WDR70: variants seen among roughly 807,000 people sequenced by gnomAD.
The protein encoded by WDR70 is WD repeat-containing protein 70.
In WDR70, 53 loss-of-function variants were observed where a neutral mutation model predicts 88.6. That is an observed-to-expected ratio of 0.60 (90% CI 0.48 to 0.75). The LOEUF is 0.75. Ranked by LOEUF, WDR70 falls within the 30% of genes least tolerant of loss-of-function variation. WDR70 has a pLI of 0.00. For synonymous variants in WDR70, 280 were observed against 270.0 expected (o/e 1.04, Z -0.36); for missense variants, 610 against 823.2 (o/e 0.74, Z 3.17).
chr5:37,384,029 ACAT>A (rs1362691948), intron 3 of WDR70, among the ~76,000 whole-genome samples: 1 of 152,174 alleles, frequency 6.6e-6, no homozygotes, highest in Admixed American at 6.5e-5. Flanking sequence ...CAAATCTTGG[ACAT>A]CATTTTACTC....
At chr5:37,415,983 T>TAGATG (rs1749731188) in intron 5 of WDR70, among the ~76,000 whole-genome samples, 2 of 147,702 alleles carry the variant, frequency 1.4e-5, no homozygotes, top group Non-Finnish European at 3.0e-5. Context: ...TCTCACTTCC[T>TAGATG]GGATGGGATG....
At chr5:37,669,897 G>A (rs9283746) in intron 10 of WDR70, among the ~76,000 whole-genome samples, 1 of 152,226 alleles carries the variant, frequency 6.6e-6, no homozygotes, top group South Asian at 2.1e-4. Flanking sequence ...AAAACATTAC[G>A]CTAAATGAAA....
chr5:37,656,380 G>A (rs1215838526), intron 10 of WDR70, among the ~76,000 whole-genome samples: 3 of 152,166 alleles, frequency 2.0e-5, no homozygotes, highest in Non-Finnish European at 4.4e-5. Flanking sequence ...GGTGTCTGTC[G>A]ACCCCTCCTG....
At chr5:37,611,369 T>C (rs187645718) in intron 10 of WDR70, among the ~76,000 whole-genome samples, 1 of 152,240 alleles carries the variant, frequency 6.6e-6, no homozygotes, top group East Asian at 1.9e-4. Context: ...GAAAGCAGTA[T>C]TTACTTTTAT....
At chr5:37,428,957 T>G (rs1450667117) in intron 5 of WDR70, among the ~76,000 whole-genome samples, 1 of 152,232 alleles carries the variant, frequency 6.6e-6, no homozygotes, top group Non-Finnish European at 1.5e-5. Context: ...AAGTGTGTAG[T>G]GCTGTTTAAT....
intron 10 of WDR70, among the ~76,000 whole-genome samples, chr5:37,694,300 A>C (rs1746911679): frequency 6.6e-6 from 1 of 152,220 alleles, no homozygotes; most frequent in African/African-American, 2.4e-5. Context: ...CGATTCCTCA[A>C]GGGCCTAGAA....
chr5:37,538,123 CTT>C lies in WDR70; in HGVS notation c.917+21535_917+21536del, dbSNP rs1346847823. On this transcript the variant is annotated intron_variant, in intron 9 of 17. Transcript: ENST00000265107. ...ATAAACTCCTCACTCCCTTGGAAGA[CTT>C]TATTGAGGGCTATTTAGGTTTTAAA... Among the ~76,000 whole-genome samples the C allele has an allele frequency of 5.3e-5, 8 of 152,234 alleles. No homozygotes were observed. The South Asian group carries it at 1.5e-3, about 28-fold the overall frequency.
At chr5:37,675,763 C>A (rs942127626) in intron 10 of WDR70, among the ~76,000 whole-genome samples, 1 of 152,088 alleles carries the variant, frequency 6.6e-6, no homozygotes, top group African/African-American at 2.4e-5. Context: ...TTTTCCAATT[C>A]TGTGAAGAAA....
chr5:37,657,306 C>T (rs958096583), intron 10 of WDR70, among the ~76,000 whole-genome samples: 3 of 152,122 alleles, frequency 2.0e-5, no homozygotes, highest in Non-Finnish European at 4.4e-5. Flanking sequence ...CCTGCTCGCC[C>T]TCGTGGGCTG....
intron 8 of WDR70, chr5:37,506,331 C>A: frequency 1.1e-6 from 1 of 904,736 alleles, no homozygotes; most frequent in East Asian, 2.4e-5. Flanking sequence ...TGAGTCAATA[C>A]CAAAAAATCT....
At chr5:37,585,073 C>A (rs1470177879) in intron 9 of WDR70, among the ~76,000 whole-genome samples, 1 of 149,986 alleles carries the variant, frequency 6.7e-6, no homozygotes, top group African/African-American at 2.5e-5. Context: ...TCACTGCAAC[C>A]TCTGCCTCCC....
chr5:37,599,378 T>C (rs1460146875), intron 9 of WDR70, among the ~76,000 whole-genome samples: 1 of 152,194 alleles, frequency 6.6e-6, no homozygotes, highest in Non-Finnish European at 1.5e-5. Context: ...GTTACATGGC[T>C]CTGGAACATA....
intron 17 of WDR70, among the ~76,000 whole-genome samples, chr5:37,735,985 C>G (rs1748294953): frequency 6.6e-6 from 1 of 152,146 alleles, no homozygotes; most frequent in South Asian, 2.1e-4. Context: ...ATTCCTGGCC[C>G]TAGCAATGTA....
In WDR70 at chr5:37,384,173, CTTT is replaced by C. The variant is rs57075180; in HGVS notation, c.175+2507_175+2509del. Among the ~76,000 whole-genome samples the C allele has an allele frequency of 4.5e-3, 489 of 107,856 alleles. 3 individuals carry two copies. The highest frequency in any genetic ancestry group is 0.02 in the East Asian group (71 of 3,496). 70.8% of individuals were successfully genotyped at this position (107,856 alleles called of 152,430 possible). On this transcript the variant is annotated intron_variant, in intron 3 of 17. Coordinates refer to ENST00000265107, the MANE Select transcript of WDR70 (RefSeq NM_018034.4). ...AGCACTCCTCTCAGTACTTTCCCCC[CTTT>C]TTTTTTTTTTTTTTTTTTATTTGAG...
At chr5:37,713,551 C>CT (rs1278217385) in intron 13 of WDR70, among the ~76,000 whole-genome samples, 1 of 151,716 alleles carries the variant, frequency 6.6e-6, no homozygotes, top group Non-Finnish European at 1.5e-5. Context: ...AATGGCAAAG[C>CT]TAGATAAGGA....
At chr5:37,618,977 A>G (rs886768179) in intron 10 of WDR70, among the ~76,000 whole-genome samples, 3 of 152,190 alleles carry the variant, frequency 2.0e-5, no homozygotes, top group Non-Finnish European at 4.4e-5. Flanking sequence ...TAACAAATGG[A>G]TAATGTAAGG....
chr5:37,728,402 AG>A (rs1273193884), intron 17 of WDR70, among the ~76,000 whole-genome samples: 1 of 150,636 alleles, frequency 6.6e-6, no homozygotes, highest in East Asian at 1.9e-4. Context: ...GACCTTAGTT[AG>A]TTTTTGCCAG....
chr5:37,749,904 A>G (rs971784619), intron 17 of WDR70, among the ~76,000 whole-genome samples: 7 of 150,264 alleles, frequency 4.7e-5, no homozygotes, highest in Non-Finnish European at 1.0e-4. Context: ...CATGGCTGCT[A>G]GGAAATTCAG....
chr5:37,387,636 G>A (rs116309822), intron 3 of WDR70, among the ~76,000 whole-genome samples: 2,575 of 131,462 alleles, frequency 0.02, 81 homozygotes, highest in African/African-American at 0.068. Flanking sequence ...TATATGGGAA[G>A]TTATTCATAA....
Sources: allele counts gnomAD v4.1 joint callset (sites outside exome capture counted in the v4.1 genomes callset), GRCh38; gene constraint gnomAD v4.1.1; transcripts MANE v1.5; gene names NCBI Gene and HGNC (gene_info 2026-07-23, HGNC 2026-07-21).